Variants in ZNF274 observed in about 807,000 individuals in gnomAD.
ZNF274 encodes zinc finger protein 274.
ZNF274 carries 23 observed loss-of-function variants against 42.5 expected under a neutral mutation model. That is an observed-to-expected ratio of 0.54 (90% CI 0.39 to 0.77). The LOEUF is 0.77. Among genes scored for constraint, ZNF274 ranks in the 30% least tolerant of loss-of-function variants. The probability of loss-of-function intolerance (pLI) is 0.00; values close to 1 mark genes in which losing one functional copy is unlikely to be tolerated. For missense variants in ZNF274, 679 were observed against 806.5 expected (o/e 0.84, Z 1.91); for synonymous variants, 292 against 305.4 (o/e 0.96, Z 0.46).
At position 58,201,829 on chromosome 19, in the gene ZNF274, A is replaced by G. The variant is rs539719843; in HGVS notation, c.257-4891A>G. Among the ~76,000 whole-genome samples the G allele has an allele frequency of 2.0e-5, 3 of 152,252 alleles. No homozygotes were observed. In the South Asian group the frequency reaches 6.2e-4, roughly 32 times the overall value. ...CGCACCAGGCATATTTCTTTTGTGT[A>G]TGGTGTACATTTGCTTCCTGGGACT... On this transcript the variant is annotated intron_variant, in intron 4 of 7. Coordinates refer to ENST00000617501, the MANE Select transcript of ZNF274 (RefSeq NM_133502.3).
chr19:58,203,500 C>T (rs1328817206), intron 4 of ZNF274, among the ~76,000 whole-genome samples: 2 of 151,324 alleles, frequency 1.3e-5, no homozygotes, highest in African/African-American at 2.4e-5. Flanking sequence ...ATTGCTTGAA[C>T]CCGGGAGGCG....
Position 58,185,760 on chromosome 19 carries a change from T to C in ZNF274, c.82T>C (p.Trp28Arg). Residue 28 changes from tryptophan to arginine, a missense_variant, in exon 3 of 8, where the codon TGG (tryptophan) becomes CGG (arginine). Coordinates refer to ENST00000617501, the MANE Select transcript of ZNF274 (RefSeq NM_133502.3). ...DVTLGFTPEE[W>R]GLLDLKQKSL... ...AACACTGGGTTTTACCCCGGAAGAG[T>C]GGGGACTGCTGGACCTCAAACAGAA... 1 of 1,458,928 alleles carries C rather than the reference T, an allele frequency of 6.9e-7. No individual in the cohort carries two copies. The highest frequency in any genetic ancestry group is 2.4e-5 in the Admixed American group (1 of 41,150). 90.4% of individuals were successfully genotyped at this position (1,458,928 alleles called of 1,614,324 possible).
Position 58,207,514 on chromosome 19 carries a change from AG to A in ZNF274, c.739+313del, listed in dbSNP as rs2075993060. ...ATAGATGGGAATACTGAGCTCAGAG[AG>A]CCCGCAGTAGCAGGAGAGACAGGGA... On this transcript the variant is annotated intron_variant, in intron 5 of 7. Coordinates refer to ENST00000617501, the MANE Select transcript of ZNF274 (RefSeq NM_133502.3). The surrounding 1 kb of genome is among the most constrained non-coding windows in gnomAD (Gnocchi z 5.6). Among the ~76,000 whole-genome samples, 1 of 152,166 alleles carries A rather than the reference AG, an allele frequency of 6.6e-6. No homozygotes were observed. The highest frequency in any genetic ancestry group is 1.5e-5 in the Non-Finnish European group (1 of 68,022).
Position 58,200,935 on chromosome 19 carries a change from A to G in ZNF274, c.257-5785A>G, listed in dbSNP as rs114243969. Among the ~76,000 whole-genome samples, 844 of 152,048 alleles carry G rather than the reference A, an allele frequency of 5.6e-3. 10 individuals carry two copies. Among genetic ancestry groups the G allele is most frequent in the African/African-American group, 0.019 (787 of 41,458 alleles). ...GAGCTTTTTACTCATGGTGGAAGGC[A>G]GGGAGCAGGCACATCATGGGAAAAG... is the stretch of plus-strand genomic sequence containing the variant. On this transcript the variant is annotated intron_variant, in intron 4 of 7. Transcript: ENST00000617501.
At chr19:58,191,875 G>A (rs1459730041) in intron 4 of ZNF274, among the ~76,000 whole-genome samples, 4 of 152,136 alleles carry the variant, frequency 2.6e-5, no homozygotes, top group East Asian at 1.9e-4. Context: ...TAAAAACTTC[G>A]GTGATAAACC....
chr19:58,193,713 C>T lies in ZNF274; in HGVS notation c.256+6671C>T, dbSNP rs114044933. ...GGCTAAGGTGGGAGGATCACTTGAA[C>T]TAAGGAGTTCAAGACCACCTGACAA... On this transcript the variant is annotated intron_variant, in intron 4 of 7. Transcript: ENST00000617501. 2.6e-3 allele frequency among the ~76,000 whole-genome samples: 393 copies of T among 152,010 alleles called. 4 individuals carry two copies. Among genetic ancestry groups the T allele is most frequent in the African/African-American group, 9.2e-3 (382 of 41,456 alleles).
At chr19:58,197,751 G>A (rs566082802) in intron 4 of ZNF274, among the ~76,000 whole-genome samples, 16 of 152,326 alleles carry the variant, frequency 1.1e-4, no homozygotes, top group South Asian at 1.0e-3. Flanking sequence ...AGAACTCTGC[G>A]GGGCCCACAT....
rs1568697548 is a variant in ZNF274 at position 58,188,623 on chromosome 19, ATATATATAT to A, written c.256+1582_256+1590del. Among the ~76,000 whole-genome samples the A allele has an allele frequency of 2.2e-3, 47 of 21,682 alleles. 1 individual carries two copies. The highest frequency in any genetic ancestry group is 0.012 in the East Asian group (19 of 1,634). The allele number at this position is 21,682 out of a possible 152,430, so 14.2% of individuals were successfully genotyped here. On this transcript the variant is annotated intron_variant, in intron 4 of 7. Coordinates refer to ENST00000617501, the MANE Select transcript of ZNF274 (RefSeq NM_133502.3). ...TCCATCTCAAAAAAAAAAAAAAAAT[ATATATATAT>A]ATATATATATATATGTAAAAAATAG...
chr19:58,188,258 C>G (rs2075723050), intron 4 of ZNF274, among the ~76,000 whole-genome samples: 1 of 151,824 alleles, frequency 6.6e-6, no homozygotes, highest in Non-Finnish European at 1.5e-5. Context: ...GGCACAGTGG[C>G]TCACACCTGT....
intron 4 of ZNF274, among the ~76,000 whole-genome samples, chr19:58,199,321 G>A (rs569373313): frequency 5.0e-4 from 76 of 151,964 alleles, no homozygotes; most frequent in Non-Finnish European, 9.3e-4. Context: ...AGCCGAGATT[G>A]TGCCACTACA....
intron 6 of ZNF274, 81 bp downstream of exon 6, chr19:58,210,154 G>T: frequency 8.6e-7 from 1 of 1,160,902 alleles, no homozygotes; most frequent in Non-Finnish European, 1.3e-6. Context: ...ACTCTGCCCT[G>T]GGCTTTCCTA....
intron 4 of ZNF274, among the ~76,000 whole-genome samples, chr19:58,190,416 T>G (rs1476515602): frequency 6.6e-6 from 1 of 152,208 alleles, no homozygotes; most frequent in East Asian, 1.9e-4. Context: ...AGAGTTGGTA[T>G]CTAGTCTCTG....
chr19:58,208,994 A>G lies in ZNF274; in HGVS notation c.740-967A>G, dbSNP rs735507. 28,352 of 152,174 alleles carry G rather than the reference A, an allele frequency of 0.19. 2,764 individuals are homozygous for G. Among genetic ancestry groups the G allele is most frequent in the Admixed American group, 0.21 (3,223 of 15,296 alleles). The allele number at this position is 152,174 out of a possible 1,614,324, so 9.4% of individuals were successfully genotyped here. A position where few individuals can be genotyped will look rare whatever the true frequency, so the allele number is the denominator to read the frequency against. ...ATCAGTGTGTTAGTTGGGACGCTTG[A>G]GTGTGACTGCTGCAAAGCCTTGCAC... On this transcript the variant is annotated intron_variant, in intron 5 of 7. Coordinates refer to ENST00000617501, the MANE Select transcript of ZNF274 (RefSeq NM_133502.3). The surrounding 1 kb of genome is among the most constrained non-coding windows in gnomAD (Gnocchi z 4.5).
At chr19:58,200,014 T>TA (rs1238303665) in intron 4 of ZNF274, among the ~76,000 whole-genome samples, 1 of 152,212 alleles carries the variant, frequency 6.6e-6, no homozygotes, top group African/African-American at 2.4e-5. Context: ...GGACCAGAAA[T>TA]ACAAGTCCCT....
At position 58,212,162 on chromosome 19, in the gene ZNF274, G is replaced by A; in HGVS notation, c.981G>A (p.Gly327=). The change falls in exon 8 of 8, where the codon GGG becomes GGA. Residue 327 remains glycine (G), a splice_region_variant and synonymous_variant. Coordinates refer to ENST00000617501, the MANE Select transcript of ZNF274 (RefSeq NM_133502.3). This position sits in a 1 kb window ranked among gnomAD's most constrained non-coding sequence, Gnocchi z 4.6. ...ACATCTTTTGTTTATTTTTTTCAGG[G>A]TGGGAGACTACACTGGAAAATAAAG... ...LETFGHLVSV[G]WETTLENKEL... 4 of 1,597,990 alleles carry A rather than the reference G, an allele frequency of 2.5e-6. No individual in the cohort carries two copies. Among genetic ancestry groups the A allele is most frequent in the Non-Finnish European group, 3.4e-6 (4 of 1,176,498 alleles).
At chr19:58,187,176 C>CG in intron 4 of ZNF274, 134 bp downstream of exon 4, 2 of 711,942 alleles carry the variant, frequency 2.8e-6, no homozygotes, top group Non-Finnish European at 4.7e-6. Context: ...GAACCAAACT[C>CG]GAAGTTTTTC....
intron 4 of ZNF274, among the ~76,000 whole-genome samples, chr19:58,195,576 G>A (rs2075832165): frequency 6.6e-6 from 1 of 152,190 alleles, no homozygotes; most frequent in Non-Finnish European, 1.5e-5. Context: ...AACTGGTATT[G>A]AGTTTAGACT....
intron 4 of ZNF274, among the ~76,000 whole-genome samples, chr19:58,203,350 G>A (rs1342513650): frequency 1.3e-5 from 2 of 152,162 alleles, no homozygotes; most frequent in East Asian, 1.9e-4. Context: ...TTGGGAGGCC[G>A]AGATGGACGG....
chr19:58,196,712 C>T (rs2075846952), intron 4 of ZNF274, among the ~76,000 whole-genome samples: 1 of 152,132 alleles, frequency 6.6e-6, no homozygotes, highest in Non-Finnish European at 1.5e-5. Context: ...GTCACATAGG[C>T]TATAGAGTGA....
Sources: allele counts gnomAD v4.1 joint callset (sites outside exome capture counted in the v4.1 genomes callset), GRCh38; gene constraint gnomAD v4.1.1; non-coding constraint Gnocchi (gnomAD v3.1); transcripts MANE v1.5; gene names NCBI Gene and HGNC (gene_info 2026-07-23, HGNC 2026-07-21).